The following TSGA10 variants were observed in gnomAD, a reference collection of about 807,000 sequenced individuals.
The protein encoded by TSGA10 is testis-specific gene 10 protein.
A neutral mutation model predicts 96.6 loss-of-function variants in TSGA10; 43 were observed. The ratio of observed to expected loss-of-function variants is 0.44; its 90% CI spans 0.35 to 0.57. The LOEUF is 0.57. TSGA10 is among the 20% of genes least tolerant of loss of function. The probability of loss-of-function intolerance (pLI) is 0.01; values close to 1 mark genes in which losing one functional copy is unlikely to be tolerated. For synonymous variants in TSGA10, 229 were observed against 269.9 expected, an observed-to-expected ratio of 0.85 and a Z score of 1.48; for missense variants, 703 against 834.4, an observed-to-expected ratio of 0.84 and a Z score of 1.94.
intron 12 of TSGA10, among the ~76,000 whole-genome samples, chr2:99,074,115 C>G (rs558236877): frequency 6.8e-6 from 1 of 147,506 alleles, no homozygotes; most frequent in African/African-American, 2.5e-5. Flanking sequence ...CAGGTTCAAG[C>G]GATTCTCCTG....
intron 6 of TSGA10, 139 bp downstream of exon 6, chr2:99,109,250 G>C (rs1043839284): frequency 1.1e-5 from 10 of 905,378 alleles, no homozygotes; most frequent in Non-Finnish European, 1.6e-5. Context: ...CCATCAAAGA[G>C]ACCTCTGTCT....
intron 15 of TSGA10, among the ~76,000 whole-genome samples, chr2:99,067,681 C>T (rs1173417945): frequency 6.6e-6 from 1 of 151,852 alleles, no homozygotes; most frequent in Non-Finnish European, 1.5e-5. Context: ...GGCGAAACCC[C>T]GTCTCTACTA....
intron 16 of TSGA10, among the ~76,000 whole-genome samples, chr2:99,049,864 GTAA>G (rs527715736): frequency 1.8e-3 from 280 of 152,144 alleles, no homozygotes; most frequent in Non-Finnish European, 3.1e-3. Flanking sequence ...ATCACAGATG[GTAA>G]TTCAAAACCA....
chr2:99,100,131 A>G (rs1474843870), intron 10 of TSGA10, among the ~76,000 whole-genome samples: 1 of 152,232 alleles, frequency 6.6e-6, no homozygotes, highest in African/African-American at 2.4e-5. Flanking sequence ...ACTCAATGCC[A>G]TTAAAATCTT....
At chr2:99,054,887 C>T (rs2083798136) in intron 16 of TSGA10, among the ~76,000 whole-genome samples, 1 of 152,138 alleles carries the variant, frequency 6.6e-6, no homozygotes, top group Non-Finnish European at 1.5e-5. Context: ...AAAAGGAACC[C>T]CTTCCCTTGT....
intron 15 of TSGA10, among the ~76,000 whole-genome samples, 182 bp downstream of exon 15, chr2:99,068,706 C>A (rs892861903): frequency 6.6e-6 from 1 of 152,070 alleles, no homozygotes; most frequent in Admixed American, 6.6e-5. Context: ...ACAAAAGGGG[C>A]ATATTCTCCA....
chr2:99,068,063 C>T (rs2085474365), intron 15 of TSGA10, among the ~76,000 whole-genome samples: 1 of 152,072 alleles, frequency 6.6e-6, no homozygotes, highest in African/African-American at 2.4e-5. Flanking sequence ...ACCTTAAAAT[C>T]AGGAAGTGTA....
Position 99,039,308 on chromosome 2 carries a change from C to CA in TSGA10, c.1405-3870dup, listed in dbSNP as rs559487331. Among the ~76,000 whole-genome samples, 587 of 123,204 alleles carry CA rather than the reference C, an allele frequency of 4.8e-3. 5 individuals carry two copies. The highest frequency in any genetic ancestry group is 8.2e-3 in the African/African-American group (283 of 34,334). 80.8% of individuals were successfully genotyped at this position (123,204 alleles called of 152,430 possible). ...AGAGCAGAATTAAAATGGAAACAAC[C>CA]AAAAAAAAAAAAACCACTACAAAAG... On this transcript the variant is annotated intron_variant, in intron 16 of 20. Coordinates refer to ENST00000393483, the MANE Select transcript of TSGA10 (RefSeq NM_025244.4).
At chr2:99,132,257 CT>C (rs200551648) in intron 1 of TSGA10, among the ~76,000 whole-genome samples, 4 of 150,282 alleles carry the variant, frequency 2.7e-5, no homozygotes, top group African/African-American at 7.3e-5. Context: ...TAATCCTGGG[CT>C]TTTTTTTTGG....
intron 17 of TSGA10, among the ~76,000 whole-genome samples, chr2:99,030,845 A>T (rs2081067832): frequency 6.6e-6 from 1 of 152,174 alleles, no homozygotes; most frequent in Non-Finnish European, 1.5e-5. Flanking sequence ...TAACAAAAGA[A>T]ATCAAGGAAA....
At chr2:99,083,683 T>G (rs2087838568) in intron 10 of TSGA10, among the ~76,000 whole-genome samples, 1 of 152,196 alleles carries the variant, frequency 6.6e-6, no homozygotes, top group South Asian at 2.1e-4. Context: ...TGGATCTCAA[T>G]GGCATTATTC....
intron 20 of TSGA10, among the ~76,000 whole-genome samples, 172 bp downstream of exon 20, chr2:99,018,028 A>G (rs1316446521): frequency 3.3e-5 from 5 of 152,166 alleles, no homozygotes; most frequent in African/African-American, 9.7e-5. Context: ...TATAATATAT[A>G]TAATTCTAAT....
intron 17 of TSGA10, among the ~76,000 whole-genome samples, chr2:99,021,095 A>G (rs1452078733): frequency 6.6e-6 from 1 of 151,808 alleles, no homozygotes; most frequent in Non-Finnish European, 1.5e-5. Context: ...AAAAGGAGGA[A>G]GAACAGTCAC....
intron 10 of TSGA10, among the ~76,000 whole-genome samples, chr2:99,091,289 A>G (rs1278281589): frequency 5.9e-5 from 9 of 152,152 alleles, no homozygotes; most frequent in Non-Finnish European, 1.3e-4. Flanking sequence ...CTTGAAACAA[A>G]TCCTCAATAT....
At chr2:99,092,745 G>T (rs926466978) in intron 10 of TSGA10, among the ~76,000 whole-genome samples, 3 of 152,026 alleles carry the variant, frequency 2.0e-5, no homozygotes, top group African/African-American at 7.2e-5. Context: ...ACCCTGAACT[G>T]ACCAATAACA....
At chr2:99,062,773 T>C (rs887603408) in intron 16 of TSGA10, among the ~76,000 whole-genome samples, 26 of 151,952 alleles carry the variant, frequency 1.7e-4, no homozygotes, top group African/African-American at 6.3e-4. Context: ...TAAAAATAAA[T>C]CATAATGAAA....
intron 17 of TSGA10, among the ~76,000 whole-genome samples, chr2:99,020,789 GGAT>G (rs1376244151): frequency 6.6e-6 from 1 of 151,898 alleles, no homozygotes; most frequent in Non-Finnish European, 1.5e-5. Flanking sequence ...AAGACTGACA[GGAT>G]GATATCTGTG....
chr2:99,020,477 C>A lies in TSGA10; in HGVS notation c.1620G>T (p.Glu540Asp). Reference protein sequence around the residue: ...VAKDQEIEMRENELDSAHSEI... With the variant: ...VAKDQEIEMRDNELDSAHSEI... ...CAGAATGAGCAGAATCTAACTCATT[C>A]TCCCTCTGTTCAATAACAAGAAGAT... Residue 540 changes from glutamate (E) to aspartate (D), a missense_variant, in exon 18 of 21, where the codon GAG becomes GAT. By Grantham distance (45) the Glu-to-Asp change is conservative. Around this residue, in one of 3 missense-constraint regions of TSGA10, gnomAD observed 585 missense variants for 656.8 expected, o/e 0.89. Coordinates refer to ENST00000393483, the MANE Select transcript of TSGA10 (RefSeq NM_025244.4). The A allele has an allele frequency of 2.5e-6, 4 of 1,606,044 alleles. No individual in the cohort carries two copies. Among genetic ancestry groups the A allele is most frequent in the Non-Finnish European group, 2.6e-6 (3 of 1,174,064 alleles).
chr2:99,037,674 C>T (rs1011399677), intron 16 of TSGA10, among the ~76,000 whole-genome samples: 4 of 151,972 alleles, frequency 2.6e-5, no homozygotes, highest in Non-Finnish European at 4.4e-5. Context: ...CATAATGAAA[C>T]CCTGTCTCTA....
Sources: allele counts gnomAD v4.1 joint callset (sites outside exome capture counted in the v4.1 genomes callset), GRCh38; gene constraint gnomAD v4.1.1; regional missense constraint gnomAD v4.1.1; transcripts MANE v1.5; gene names NCBI Gene and HGNC (gene_info 2026-07-23, HGNC 2026-07-21).